Variants in IGF1R observed in about 807,000 individuals in gnomAD.
IGF1R encodes insulin like growth factor 1 receptor.
In IGF1R, 44 loss-of-function variants were observed where a neutral mutation model predicts 144.6. That is an observed-to-expected ratio of 0.30 (90% CI 0.24 to 0.39). The LOEUF (loss-of-function observed/expected upper bound fraction) is 0.39, where lower values mean the gene tolerates loss of function less well. IGF1R is among the 10% of genes least tolerant of loss of function. The pLI is 1.00. For missense variants in IGF1R, 1,355 were observed against 1,833.7 expected, an observed-to-expected ratio of 0.74 and a Z score of 4.77; for synonymous variants, 795 against 722.8, an observed-to-expected ratio of 1.10 and a Z score of -1.60.
At chr15:98,883,362 T>A (rs2141635457) in intron 2 of IGF1R, among the ~76,000 whole-genome samples, 1 of 152,338 alleles carries the variant, frequency 6.6e-6, no homozygotes, top group East Asian at 1.9e-4. Flanking sequence ...CCTCTTGTCT[T>A]CATTTTGAGA....
intron 19 of IGF1R, among the ~76,000 whole-genome samples, chr15:98,945,143 G>A (rs1309799512): frequency 1.3e-5 from 2 of 152,224 alleles, no homozygotes; most frequent in African/African-American, 4.8e-5. Flanking sequence ...GAAGGACTGG[G>A]GAGCTGCACC....
intron 1 of IGF1R, among the ~76,000 whole-genome samples, chr15:98,675,660 T>A (rs1306685697): frequency 6.6e-6 from 1 of 152,194 alleles, no homozygotes; most frequent in Non-Finnish European, 1.5e-5. Context: ...TATTGATTCC[T>A]TGTTTATCTT....
intron 2 of IGF1R, among the ~76,000 whole-genome samples, chr15:98,874,148 T>G (rs1417216746): frequency 6.6e-6 from 1 of 152,122 alleles, no homozygotes; most frequent in Non-Finnish European, 1.5e-5. Context: ...AAATGTATCT[T>G]TGGTGGCCCG....
intron 1 of IGF1R, among the ~76,000 whole-genome samples, chr15:98,653,702 C>G (rs1041901846): frequency 2.6e-5 from 4 of 152,160 alleles, no homozygotes; most frequent in Non-Finnish European, 5.9e-5. Flanking sequence ...AGGAAAAGAC[C>G]TAGAGAATAA....
At chr15:98,821,652 G>C (rs2056805290) in intron 2 of IGF1R, among the ~76,000 whole-genome samples, 1 of 152,222 alleles carries the variant, frequency 6.6e-6, no homozygotes, top group African/African-American at 2.4e-5. Context: ...AGAGAAATAA[G>C]ATGTAACTCT....
At chr15:98,669,344 T>G (rs1411962145) in intron 1 of IGF1R, among the ~76,000 whole-genome samples, 1 of 152,190 alleles carries the variant, frequency 6.6e-6, no homozygotes, top group Non-Finnish European at 1.5e-5. Flanking sequence ...TTCTCTTCCC[T>G]TTTCCATGAA....
intron 2 of IGF1R, among the ~76,000 whole-genome samples, chr15:98,800,776 C>T (rs917665444): frequency 6.6e-6 from 1 of 152,188 alleles, no homozygotes; most frequent in African/African-American, 2.4e-5. Flanking sequence ...CAAATCCAGT[C>T]CCAGTTCCTG....
intron 2 of IGF1R, among the ~76,000 whole-genome samples, chr15:98,813,948 C>T (rs2141463675): frequency 6.6e-6 from 1 of 152,320 alleles, no homozygotes; most frequent in South Asian, 2.1e-4. Context: ...ACAACAATAG[C>T]TTAATCCAGT....
intron 5 of IGF1R, among the ~76,000 whole-genome samples, chr15:98,906,527 C>T (rs2014740207): frequency 6.6e-6 from 1 of 152,222 alleles, no homozygotes; most frequent in Non-Finnish European, 1.5e-5. Flanking sequence ...TGCATGGAGC[C>T]CCTCTGACCT....
intron 3 of IGF1R, among the ~76,000 whole-genome samples, chr15:98,892,753 C>A (rs62023613): frequency 6.6e-6 from 1 of 152,068 alleles, no homozygotes; most frequent in Non-Finnish European, 1.5e-5. Context: ...TAGGGGCTCA[C>A]GCCTGTAATC....
At position 98,780,845 on chromosome 15, in the gene IGF1R, A is replaced by C. The variant is rs189328652; in HGVS notation, c.640+72738A>C. Among the ~76,000 whole-genome samples, 46 of 152,354 alleles carry C rather than the reference A, an allele frequency of 3.0e-4. No homozygotes were observed. The East Asian group carries it at 8.5e-3, about 28-fold the overall frequency. ...AATCCAGATAACAAGAAGTAATTCT[A>C]ATAGGAAACTTGTAGGATGTATTTA... On this transcript the variant is annotated intron_variant, in intron 2 of 20. Coordinates refer to ENST00000650285, the MANE Select transcript of IGF1R (RefSeq NM_000875.5).
chr15:98,723,820 T>G (rs72767970), intron 2 of IGF1R, among the ~76,000 whole-genome samples: 5,179 of 152,282 alleles, frequency 0.034, 133 homozygotes, highest in African/African-American at 0.069. Context: ...ATGAAGGCAT[T>G]TAGATTTTTT....
Position 98,831,033 on chromosome 15 carries a change from G to A in IGF1R, c.641-60292G>A, listed in dbSNP as rs189821488. On this transcript the variant is annotated intron_variant, in intron 2 of 20. Coordinates refer to ENST00000650285, the MANE Select transcript of IGF1R (RefSeq NM_000875.5). ...TCTCCTGGTAGATAACTAACAGAGT[G>A]AGAACTCACTCTTTACTGTGGGGAG... is the stretch of plus-strand genomic sequence containing the variant. Among the ~76,000 whole-genome samples the A allele has an allele frequency of 5.3e-5, 8 of 152,270 alleles. 1 individual carries two copies. The East Asian group carries it at 1.5e-3, about 29-fold the overall frequency.
At chr15:98,737,070 C>CT (rs2054628644) in intron 2 of IGF1R, among the ~76,000 whole-genome samples, 1 of 152,180 alleles carries the variant, frequency 6.6e-6, no homozygotes, top group South Asian at 2.1e-4. Flanking sequence ...TGAAGATAGT[C>CT]TTTTGGGGAG....
chr15:98,674,446 G>T (rs2052979088), intron 1 of IGF1R, among the ~76,000 whole-genome samples: 2 of 152,148 alleles, frequency 1.3e-5, no homozygotes, highest in African/African-American at 4.8e-5. Flanking sequence ...TTTTCCAGAA[G>T]AGTCCATTGC....
chr15:98,961,129 CG>C lies in IGF1R; in HGVS notation c.*3691del, dbSNP rs2017209365. On this transcript the variant is annotated 3_prime_UTR_variant, in exon 21 of 21. Coordinates refer to ENST00000650285, the MANE Select transcript of IGF1R (RefSeq NM_000875.5). ...ACGCGACCCATCTCTCCCAGGACCC[CG>C]GGGATCTTAAGGTCATTGAGAAATA... The C allele has an allele frequency of 8.6e-6, 2 of 233,408 alleles. No individual in the cohort carries two copies. The highest frequency in any genetic ancestry group is 1.2e-4 in the East Asian group (2 of 16,580). 14.5% of individuals were successfully genotyped at this position (233,408 alleles called of 1,614,324 possible).
intron 1 of IGF1R, chr15:98,660,290 C>CT (rs944124395): frequency 5.9e-4 from 90 of 152,338 alleles, no homozygotes; most frequent in African/African-American, 2.0e-3. Flanking sequence ...TGGCAAGCTC[C>CT]TTTAAGAGTT....
intron 11 of IGF1R, 82 bp from the exon 12 acceptor site, chr15:98,923,794 G>C (rs970046195): frequency 1.3e-5 from 14 of 1,089,862 alleles, no homozygotes; most frequent in Non-Finnish European, 1.4e-6. Context: ...GTGGATGGGG[G>C]GGTTATTCTC....
In IGF1R at chr15:98,885,061, A is replaced by G. The variant is rs528017676; in HGVS notation, c.641-6264A>G. On this transcript the variant is annotated intron_variant, in intron 2 of 20. Coordinates refer to ENST00000650285, the MANE Select transcript of IGF1R (RefSeq NM_000875.5). Reference sequence around the variant, plus strand: ...CTGCCAGCATCCCTATGCACCTGCTAGCTCCTACTCACTTGTCCAGCTTTG... The same window carrying G: ...CTGCCAGCATCCCTATGCACCTGCTGGCTCCTACTCACTTGTCCAGCTTTG... 1.3e-3 allele frequency among the ~76,000 whole-genome samples: 197 copies of G among 152,112 alleles called. 2 individuals carry two copies. Among genetic ancestry groups the G allele is most frequent in the African/African-American group, 4.6e-3 (193 of 41,506 alleles).
Sources: gnomAD v4.1 joint callset for allele counts (sites outside exome capture counted in the v4.1 genomes callset) on GRCh38, gnomAD v4.1.1 for gene constraint, MANE v1.5 for transcripts, NCBI Gene and HGNC (gene_info 2026-07-23, HGNC 2026-07-21) for gene names.